LUZP2: variants seen among roughly 807,000 people sequenced by gnomAD.
The protein encoded by LUZP2 is leucine zipper protein 2.
In LUZP2, 52 loss-of-function variants were observed where a neutral mutation model predicts 51.6. The observed-to-expected ratio is 1.01, with a 90% CI of 0.81 to 1.27. LUZP2 has a LOEUF of 1.27. Ranked by LOEUF, LUZP2 falls within the 50% of genes most tolerant of loss-of-function variation. The probability of loss-of-function intolerance (pLI) is 0.00; values close to 1 mark genes in which losing one functional copy is unlikely to be tolerated. For missense variants in LUZP2, 436 were observed against 395.4 expected (o/e 1.10, Z -0.87); for synonymous variants, 154 against 137.3 (o/e 1.12, Z -0.85).
chr11:25,010,099 A>G (rs1056713671), intron 9 of LUZP2, among the ~76,000 whole-genome samples: 10 of 152,180 alleles, frequency 6.6e-5, no homozygotes, highest in African/African-American at 2.2e-4. Flanking sequence ...CCTAGCTTAC[A>G]CTGTTTTTTA....
intron 7 of LUZP2, among the ~76,000 whole-genome samples, chr11:24,949,593 T>A (rs78975585): frequency 0.021 from 3,197 of 151,626 alleles, 50 homozygotes; most frequent in Non-Finnish European, 0.033. Context: ...CATGTCAGAG[T>A]AAACATTATC....
At chr11:24,793,306 A>G (rs1405442832) in intron 5 of LUZP2, among the ~76,000 whole-genome samples, 1 of 152,090 alleles carries the variant, frequency 6.6e-6, no homozygotes, top group Non-Finnish European at 1.5e-5. Context: ...TTGATGTACA[A>G]TTTTTTGTTG....
At chr11:25,046,793 T>G (rs573982521) in intron 9 of LUZP2, among the ~76,000 whole-genome samples, 2 of 152,242 alleles carry the variant, frequency 1.3e-5, no homozygotes, top group South Asian at 2.1e-4. Context: ...ATCTTATAAT[T>G]TTTTAGACCT....
At chr11:24,977,255 T>C (rs1329060174) in intron 8 of LUZP2, among the ~76,000 whole-genome samples, 2 of 151,656 alleles carry the variant, frequency 1.3e-5, no homozygotes, top group East Asian at 1.9e-4. Flanking sequence ...TATTAACAAA[T>C]ATACATAAAT....
At chr11:25,017,268 TA>T (rs1857187959) in intron 9 of LUZP2, among the ~76,000 whole-genome samples, 1 of 152,190 alleles carries the variant, frequency 6.6e-6, no homozygotes, top group Non-Finnish European at 1.5e-5. Context: ...CAAGCTTTTT[TA>T]GTTTACCTAT....
intron 1 of LUZP2, among the ~76,000 whole-genome samples, chr11:24,675,722 C>T (rs554129458): frequency 1.1e-4 from 16 of 151,742 alleles, no homozygotes; most frequent in African/African-American, 3.4e-4. Context: ...CCTGATTGGT[C>T]CTTATTATTA....
chr11:24,867,898 T>C (rs1437280594), intron 5 of LUZP2, among the ~76,000 whole-genome samples: 1 of 152,210 alleles, frequency 6.6e-6, no homozygotes, highest in African/African-American at 2.4e-5. Context: ...TTATCAGTAC[T>C]GATGTAAACA....
At chr11:24,748,301 C>T (rs1265062476) in intron 4 of LUZP2, among the ~76,000 whole-genome samples, 1 of 152,100 alleles carries the variant, frequency 6.6e-6, no homozygotes, top group Non-Finnish European at 1.5e-5. Context: ...ACCTTTCCTG[C>T]AAACTGCTCC....
intron 10 of LUZP2, among the ~76,000 whole-genome samples, chr11:25,057,117 T>A (rs1858712189): frequency 6.6e-6 from 1 of 152,084 alleles, no homozygotes; most frequent in Non-Finnish European, 1.5e-5. Context: ...GATTATTATA[T>A]AAATATATAG....
At chr11:24,813,496 A>C (rs1241754633) in intron 5 of LUZP2, among the ~76,000 whole-genome samples, 2 of 152,132 alleles carry the variant, frequency 1.3e-5, no homozygotes, top group African/African-American at 4.8e-5. Context: ...CAAGAGAGAG[A>C]GAGAAAGAGA....
intron 1 of LUZP2, among the ~76,000 whole-genome samples, chr11:24,705,905 G>A (rs1369916897): frequency 6.7e-6 from 1 of 148,160 alleles, no homozygotes; most frequent in Non-Finnish European, 1.5e-5. Flanking sequence ...TCCAGCAATG[G>A]AAAATATGTG....
intron 5 of LUZP2, among the ~76,000 whole-genome samples, chr11:24,796,053 A>G (rs1479373379): frequency 6.6e-6 from 1 of 152,142 alleles, no homozygotes; most frequent in Non-Finnish European, 1.5e-5. Flanking sequence ...TGTAGCATAA[A>G]TTAATAATAA....
At chr11:25,001,607 C>G (rs1439337163) in intron 9 of LUZP2, among the ~76,000 whole-genome samples, 1 of 152,164 alleles carries the variant, frequency 6.6e-6, no homozygotes, top group East Asian at 1.9e-4. Context: ...CAGAGAAGAC[C>G]TTCAATTATC....
intron 1 of LUZP2, among the ~76,000 whole-genome samples, chr11:24,659,400 T>A (rs981126503): frequency 1.3e-5 from 2 of 151,878 alleles, no homozygotes; most frequent in Non-Finnish European, 2.9e-5. Context: ...AAAGGGAACA[T>A]CACACACCAG....
intron 5 of LUZP2, among the ~76,000 whole-genome samples, chr11:24,812,969 C>G (rs988051991): frequency 6.6e-6 from 1 of 152,190 alleles, no homozygotes. Flanking sequence ...CACTTAATAC[C>G]ATGCCACTCA....
At chr11:24,919,812 A>G (rs1043688404) in intron 7 of LUZP2, among the ~76,000 whole-genome samples, 1 of 151,156 alleles carries the variant, frequency 6.6e-6, no homozygotes, top group African/African-American at 2.4e-5. Context: ...TACCTAGTAC[A>G]GGTGATTTTC....
chr11:24,537,273 AT>A (rs1329435811), intron 1 of LUZP2, among the ~76,000 whole-genome samples: 2 of 151,920 alleles, frequency 1.3e-5, no homozygotes, highest in Non-Finnish European at 2.9e-5. Context: ...CAAACTTTCA[AT>A]TTTTAAAAAA....
chr11:24,846,666 T>C (rs1486711), intron 5 of LUZP2, among the ~76,000 whole-genome samples: 23,050 of 151,924 alleles, frequency 0.15, 1,920 homozygotes, highest in African/African-American at 0.2. Context: ...ATCACACATA[T>C]CCAAAGTCTA....
chr11:24,773,824 C>T (rs116908807), intron 5 of LUZP2, among the ~76,000 whole-genome samples: 15 of 152,256 alleles, frequency 9.9e-5, no homozygotes, highest in Non-Finnish European at 1.5e-4. Context: ...AAGGGAAAAT[C>T]TCTAGCATGG....
Sources: allele counts gnomAD v4.1 joint callset (sites outside exome capture counted in the v4.1 genomes callset), GRCh38; gene constraint gnomAD v4.1.1; transcripts MANE v1.5; gene names NCBI Gene and HGNC (gene_info 2026-07-23, HGNC 2026-07-21).